Variants in HELZ observed in about 807,000 individuals in gnomAD.
HELZ encodes the protein helicase with zinc finger, also known as ATP-dependent RNA helicase with zinc finger domain.
In HELZ, 23 loss-of-function variants were observed where a neutral mutation model predicts 218.2. The ratio of observed to expected loss-of-function variants is 0.11; its 90% CI spans 0.08 to 0.15. HELZ has a LOEUF of 0.15. Ranked by LOEUF, HELZ falls within the 10% of genes least tolerant of loss-of-function variation. The pLI is 1.00. For missense variants in HELZ, 1,813 were observed against 2,353.7 expected, an observed-to-expected ratio of 0.77 and a Z score of 4.75; for synonymous variants, 814 against 829.4, an observed-to-expected ratio of 0.98 and a Z score of 0.32.
intron 18 of HELZ, among the ~76,000 whole-genome samples, chr17:67,150,674 A>G (rs557857927): frequency 6.6e-6 from 1 of 152,172 alleles, no homozygotes; most frequent in East Asian, 1.9e-4. Context: ...AAACACCAAC[A>G]CTCTCCAAAT....
chr17:67,224,235 C>T (rs1387039857), intron 3 of HELZ: 1 of 155,442 alleles, frequency 6.4e-6, no homozygotes, highest in East Asian at 1.9e-4. Flanking sequence ...AACTGAAGCT[C>T]CTTGCAGCTG....
chr17:67,146,884 T>C (rs1193213158), intron 20 of HELZ, among the ~76,000 whole-genome samples: 1 of 152,174 alleles, frequency 6.6e-6, no homozygotes, highest in African/African-American at 2.4e-5. Flanking sequence ...AAAGGGGCTT[T>C]TGGAGCACTG....
intron 5 of HELZ, among the ~76,000 whole-genome samples, chr17:67,212,075 A>G (rs533817168): frequency 1.3e-3 from 197 of 151,914 alleles, no homozygotes; most frequent in Non-Finnish European, 1.8e-3. Flanking sequence ...CATCAAGACT[A>G]TGCTGTAAGG....
intron 3 of HELZ, among the ~76,000 whole-genome samples, chr17:67,238,696 A>G (rs1431764665): frequency 2.0e-5 from 3 of 152,212 alleles, no homozygotes; most frequent in African/African-American, 7.2e-5. Flanking sequence ...CAAAAAAATA[A>G]TAATAATTTT....
At position 67,104,307 on chromosome 17, in the gene HELZ, T is replaced by C. The variant is rs558528166; in HGVS notation, c.5241+2862A>G. On this transcript the variant is annotated intron_variant, in intron 31 of 32. Transcript: ENST00000358691. ...AAAAAAAATTAGCCGGGTGTGGTGG[T>C]GGACACCTGTAGTTCCAGCTATTCC... is the stretch of plus-strand genomic sequence containing the variant. 3.3e-5 allele frequency among the ~76,000 whole-genome samples: 5 copies of C among 152,002 alleles called. No homozygotes were observed. The South Asian group carries it at 1.0e-3, about 32-fold the overall frequency.
At chr17:67,123,267 G>A in intron 25 of HELZ, 107 bp from the exon 26 acceptor site, 1 of 618,930 alleles carries the variant, frequency 1.6e-6, no homozygotes, top group East Asian at 3.1e-5. Context: ...GTTTGCCTAA[G>A]ATATCTTATC....
chr17:67,199,547 A>G (rs919803175), intron 7 of HELZ, among the ~76,000 whole-genome samples: 5 of 152,122 alleles, frequency 3.3e-5, no homozygotes, highest in South Asian at 2.1e-4. Context: ...AAAAACCCCA[A>G]TTACTTTTGT....
At chr17:67,160,482 A>G (rs2038964665) in intron 16 of HELZ, 120 bp from the exon 17 acceptor site, 2 of 651,264 alleles carry the variant, frequency 3.1e-6, no homozygotes, top group Non-Finnish European at 5.3e-6. Context: ...TACCCTACTC[A>G]GTAATCCCTA....
At chr17:67,098,562 C>T (rs990149413) in intron 31 of HELZ, among the ~76,000 whole-genome samples, 3 of 150,900 alleles carry the variant, frequency 2.0e-5, no homozygotes, top group Non-Finnish European at 3.0e-5. Context: ...TGGTGAAATC[C>T]CGTCTCTACT....
intron 5 of HELZ, among the ~76,000 whole-genome samples, chr17:67,212,129 C>A (rs1035384633): frequency 6.6e-6 from 1 of 151,596 alleles, no homozygotes. Context: ...CAAGACCAGC[C>A]TGGCCAACAT....
At position 67,094,823 on chromosome 17, in the gene HELZ, G is replaced by A. The variant is rs773505294; in HGVS notation, c.5242-7742C>T. Reference sequence around the variant, plus strand: ...TTAAGACATTTTTTAAAATGTATATGGCTTAATTTTAAAATAATGTATTGC... The same window carrying A: ...TTAAGACATTTTTTAAAATGTATATAGCTTAATTTTAAAATAATGTATTGC... On this transcript the variant is annotated intron_variant, in intron 31 of 32. Coordinates refer to ENST00000358691, the MANE Select transcript of HELZ (RefSeq NM_014877.4). Among the ~76,000 whole-genome samples the A allele has an allele frequency of 1.2e-3, 176 of 152,124 alleles. 2 individuals carry two copies. The highest frequency in any genetic ancestry group is 3.4e-3 in the Middle Eastern group (1 of 294).
intron 2 of HELZ, among the ~76,000 whole-genome samples, chr17:67,242,273 G>A (rs1242886911): frequency 2.0e-5 from 3 of 152,004 alleles, no homozygotes; most frequent in African/African-American, 7.2e-5. Flanking sequence ...AAATTAGCCG[G>A]GTGTGGTGGC....
rs2037205601 is a variant in HELZ at position 67,109,322 on chromosome 17, T to C, written c.4283A>G (p.Asn1428Ser). ...QLSPAYQAGP[N>S]NAFFNSAVAH... is the part of the protein sequence containing the mutation. ...AACTGCACTATTAAAAAAAGCATTG[T>C]TGGGTCCCGCCTGATATGCAGGAGA... The change falls in exon 29 of 33, where the codon AAC becomes AGC. Residue 1428 changes from asparagine (N) to serine (S), a missense_variant. Asn to Ser is a conservative substitution (Grantham distance 46). Transcript: ENST00000358691. 3 of 1,614,114 alleles carry C rather than the reference T, an allele frequency of 1.9e-6. No individual in the cohort carries two copies. Among genetic ancestry groups the C allele is most frequent in the South Asian group, 1.1e-5 (1 of 91,080 alleles).
chr17:67,077,391 A>AAAAAAGAATT lies in HELZ; in HGVS notation c.*851_*860dup, dbSNP rs780892105. The AAAAAAGAATT allele has an allele frequency of 5.2e-5, 8 of 152,598 alleles. No homozygotes were observed. The South Asian group carries it at 1.0e-3, about 20-fold the overall frequency. The allele number at this position is 152,598 out of a possible 1,614,324, so 9.5% of individuals were successfully genotyped here. On this transcript the variant is annotated 3_prime_UTR_variant, in exon 33 of 33. Coordinates refer to ENST00000358691, the MANE Select transcript of HELZ (RefSeq NM_014877.4). ...AAACATTTACACATGCATAGTGAGA[A>AAAAAAGAATT]AAAAAGAATTTTACTAAATTCACGC...
chr17:67,085,267 C>T (rs577352746), intron 32 of HELZ, among the ~76,000 whole-genome samples: 14 of 151,828 alleles, frequency 9.2e-5, no homozygotes, highest in East Asian at 3.9e-4. Context: ...AAAATAAACA[C>T]GAAAATTAGC....
intron 32 of HELZ, among the ~76,000 whole-genome samples, 198 bp downstream of exon 32, chr17:67,086,631 A>AAAATATAT (rs1555594208): frequency 1.1e-5 from 1 of 93,318 alleles, no homozygotes; most frequent in Non-Finnish European, 2.0e-5. Context: ...TATAAATATA[A>AAAATATAT]ATATATATAT....
At chr17:67,136,844 A>T in intron 22 of HELZ, among the ~76,000 whole-genome samples, 1 of 152,178 alleles carries the variant, frequency 6.6e-6, no homozygotes, top group East Asian at 1.9e-4. Flanking sequence ...AAGATCAAAA[A>T]AGTTCTGGAG....
At chr17:67,171,128 C>T (rs990746686) in intron 13 of HELZ, among the ~76,000 whole-genome samples, 3 of 150,276 alleles carry the variant, frequency 2.0e-5, no homozygotes, top group African/African-American at 7.4e-5. Flanking sequence ...TCCTAGTTTT[C>T]TTCCTACCTC....
At chr17:67,213,563 A>G (rs2040511882) in intron 5 of HELZ, among the ~76,000 whole-genome samples, 1 of 152,176 alleles carries the variant, frequency 6.6e-6, no homozygotes, top group Admixed American at 6.6e-5. Flanking sequence ...CGGAGGTCAC[A>G]GTGACCCGAG....
Sources: allele counts gnomAD v4.1 joint callset (sites outside exome capture counted in the v4.1 genomes callset), GRCh38; gene constraint gnomAD v4.1.1; transcripts MANE v1.5; gene names NCBI Gene and HGNC (gene_info 2026-07-23, HGNC 2026-07-21).